The following PCDHGB6 variants were observed in gnomAD, a reference collection of about 807,000 sequenced individuals.
The protein encoded by PCDHGB6 is protocadherin gamma subfamily B, 6, also known as protocadherin gamma-B6.
In PCDHGB6, 51 loss-of-function variants were observed where a neutral mutation model predicts 59.1. The observed-to-expected ratio is 0.86, with a 90% CI of 0.69 to 1.09. The LOEUF (loss-of-function observed/expected upper bound fraction) is 1.09, where lower values mean the gene tolerates loss of function less well. Among genes scored for constraint, PCDHGB6 ranks in the 50% least tolerant of loss-of-function variants. The probability of loss-of-function intolerance (pLI) is 0.00; values close to 1 mark genes in which losing one functional copy is unlikely to be tolerated. For missense variants in PCDHGB6, 1,148 were observed against 1,205.1 expected (o/e 0.95, Z 0.70); for synonymous variants, 466 against 495.1 (o/e 0.94, Z 0.78).
rs2097542578 is a variant in PCDHGB6 at position 141,432,849 on chromosome 5, T to C, written c.2418+22229T>C. On this transcript the variant is annotated intron_variant, in intron 1 of 3. Coordinates refer to ENST00000520790, the MANE Select transcript of PCDHGB6 (RefSeq NM_018926.3). The surrounding 1 kb of genome is among the most constrained non-coding windows in gnomAD (Gnocchi z 6.0). ...CTCACTCTGTACCTGGTGGTAGCGG[T>C]GGCCGCGGTCTCCTGCGTCTTCCTG... 2 of 1,614,076 alleles carry C rather than the reference T, an allele frequency of 1.2e-6. No individual in the cohort carries two copies. Among genetic ancestry groups the C allele is most frequent in the South Asian group, 1.1e-5 (1 of 91,096 alleles).
chr5:141,408,326 G>A lies in PCDHGB6; in HGVS notation c.124G>A (p.Ala42Thr). The change falls in exon 1 of 4, where the codon GCC becomes ACC. Residue 42 changes from alanine (A) to threonine (T), a missense_variant. Physicochemically the swap from Ala to Thr is moderately conservative, Grantham distance 58. Transcript: ENST00000520790. ...CCGCTACTCGATTCCGGAGGAGCTG[G>A]CCAAGGGCTCGGTGGTGGGGAACCT... ...PIRYSIPEEL[A>T]KGSVVGNLAK... The A allele has an allele frequency of 3.7e-6, 6 of 1,613,904 alleles. No individual in the cohort carries two copies. Among genetic ancestry groups the A allele is most frequent in the Non-Finnish European group, 4.2e-6 (5 of 1,179,776 alleles).
chr5:141,414,330 G>A (rs1472752550), intron 1 of PCDHGB6: 2 of 1,613,714 alleles, frequency 1.2e-6, no homozygotes, highest in Non-Finnish European at 1.7e-6. Flanking sequence ...AGAATGGACA[G>A]GTAACCTGTT....
chr5:141,453,680 A>G (rs1466590010), intron 1 of PCDHGB6, among the ~76,000 whole-genome samples: 1 of 152,220 alleles, frequency 6.6e-6, no homozygotes, highest in Non-Finnish European at 1.5e-5. Context: ...GTAACACACT[A>G]TGTAGGTAGT....
chr5:141,489,191 T>C lies in PCDHGB6; in HGVS notation c.2419-5616T>C. On this transcript the variant is annotated intron_variant, in intron 1 of 3. Coordinates refer to ENST00000520790, the MANE Select transcript of PCDHGB6 (RefSeq NM_018926.3). The surrounding 1 kb of genome is among the most constrained non-coding windows in gnomAD (Gnocchi z 4.5). ...CTGCATTCCAAGCCCTGGGTCTACC[T>C]TGGAGACAGGACAGCACAGACTTAC... The C allele has an allele frequency of 7.3e-7, 1 of 1,364,400 alleles. No homozygotes were observed. Among genetic ancestry groups the C allele is most frequent in the Middle Eastern group, 1.9e-4 (1 of 5,334 alleles). The allele number at this position is 1,364,400 out of a possible 1,614,324, so 84.5% of individuals were successfully genotyped here. A position where few individuals can be genotyped will look rare whatever the true frequency, so the allele number is the denominator to read the frequency against.
chr5:141,422,470 T>C, intron 1 of PCDHGB6: 1 of 1,613,440 alleles, frequency 6.2e-7, no homozygotes, highest in Non-Finnish European at 8.5e-7. Flanking sequence ...GGACAGGGAG[T>C]TGGTCCAGAG....
chr5:141,419,269 C>G (rs1456612499), intron 1 of PCDHGB6: 1 of 1,614,034 alleles, frequency 6.2e-7, no homozygotes, highest in Admixed American at 1.7e-5. Flanking sequence ...CGGGTGCCTC[C>G]ATAGCGCAAG....
intron 1 of PCDHGB6, chr5:141,418,103 G>A: frequency 1.2e-6 from 2 of 1,614,076 alleles, no homozygotes; most frequent in African/African-American, 1.3e-5. Flanking sequence ...CGCGCAGAGC[G>A]GGGACTTACT....
intron 1 of PCDHGB6, among the ~76,000 whole-genome samples, chr5:141,460,724 A>G (rs1294708205): frequency 6.6e-6 from 1 of 152,114 alleles, no homozygotes; most frequent in Non-Finnish European, 1.5e-5. Flanking sequence ...TGTTATAAGC[A>G]TATATACACA....
chr5:141,445,828 G>A (rs1188169953), intron 1 of PCDHGB6, among the ~76,000 whole-genome samples: 2 of 152,188 alleles, frequency 1.3e-5, no homozygotes, highest in African/African-American at 2.4e-5. Context: ...AAGGCAGGGA[G>A]AGCCTTGTAA....
At chr5:141,508,499 C>T (rs1425054102) in intron 3 of PCDHGB6, among the ~76,000 whole-genome samples, 7 of 152,212 alleles carry the variant, frequency 4.6e-5, no homozygotes, top group Non-Finnish European at 1.0e-4. Flanking sequence ...CATATCTTCT[C>T]TCCCTCCTGG....
chr5:141,451,358 T>C (rs537863729), intron 1 of PCDHGB6, among the ~76,000 whole-genome samples: 1 of 152,326 alleles, frequency 6.6e-6, no homozygotes, highest in African/African-American at 2.4e-5. Flanking sequence ...CAACAGAGGA[T>C]GGATCCGCTT....
At position 141,413,510 on chromosome 5, in the gene PCDHGB6, T is replaced by G. The variant is rs372002880; in HGVS notation, c.2418+2890T>G. On this transcript the variant is annotated intron_variant, in intron 1 of 3. Transcript: ENST00000520790. ...GCGCGGTGCGTGGTGAGTTTTAATA[T>G]CCTTGTGGAAGACAGGGTGAAACTT... The G allele has an allele frequency of 5.4e-5, 87 of 1,613,876 alleles. No individual in the cohort carries two copies. Among genetic ancestry groups the G allele is most frequent in the Middle Eastern group, 1.6e-4 (1 of 6,084 alleles).
intron 1 of PCDHGB6, among the ~76,000 whole-genome samples, chr5:141,465,017 C>T (rs1278815002): frequency 6.6e-6 from 1 of 152,132 alleles, no homozygotes; most frequent in Non-Finnish European, 1.5e-5. Context: ...GCTAAGATTA[C>T]AGCCATGAAC....
At chr5:141,429,489 A>G (rs2097218567) in intron 1 of PCDHGB6, among the ~76,000 whole-genome samples, 1 of 152,062 alleles carries the variant, frequency 6.6e-6, no homozygotes, top group South Asian at 2.1e-4. Context: ...AGCTGAGACT[A>G]CAGTTGCCTG....
chr5:141,413,283 C>A lies in PCDHGB6; in HGVS notation c.2418+2663C>A, dbSNP rs377443382. On this transcript the variant is annotated intron_variant, in intron 1 of 3. Coordinates refer to ENST00000520790, the MANE Select transcript of PCDHGB6 (RefSeq NM_018926.3). ...GGGAGGCTGGAGCCCGGCAGATCTC[C>A]TACTCAATTCCTGAGGAATTAGAGA... The A allele has an allele frequency of 3.6e-5, 58 of 1,613,848 alleles. No individual in the cohort carries two copies. The African/African-American group carries it at 7.6e-4, about 21-fold the overall frequency.
intron 1 of PCDHGB6, among the ~76,000 whole-genome samples, chr5:141,480,916 A>C (rs991166066): frequency 6.6e-6 from 1 of 152,106 alleles, no homozygotes; most frequent in East Asian, 1.9e-4. Flanking sequence ...ATGGTGGCGC[A>C]TACCTGTAGT....
Position 141,490,644 on chromosome 5 carries a change from T to G in PCDHGB6, c.2419-4163T>G, listed in dbSNP as rs772742713. 1 of 1,614,188 alleles carries G rather than the reference T, an allele frequency of 6.2e-7. No individual in the cohort carries two copies. Among genetic ancestry groups the G allele is most frequent in the Non-Finnish European group, 8.5e-7 (1 of 1,180,016 alleles). The stretch of plus-strand genomic sequence containing the variant: ...CTGCTTACATCCTAGAAAACCGGCC[T>G]CCGGGCTCCCTTCTTTGCACTGTGG... On this transcript the variant is annotated intron_variant, in intron 1 of 3. Transcript: ENST00000520790. The surrounding 1 kb of genome is among the most constrained non-coding windows in gnomAD (Gnocchi z 5.4).
intron 1 of PCDHGB6, chr5:141,413,404 C>T: frequency 6.2e-7 from 1 of 1,614,046 alleles, no homozygotes; most frequent in Non-Finnish European, 8.5e-7. Context: ...AGGTAGGACG[C>T]AGCTTTTCTC....
At chr5:141,460,842 C>T (rs1339558359) in intron 1 of PCDHGB6, among the ~76,000 whole-genome samples, 2 of 150,412 alleles carry the variant, frequency 1.3e-5, no homozygotes, top group African/African-American at 2.4e-5. Flanking sequence ...GTAATGGCCT[C>T]CAGTTCGATC....
Sources: gnomAD v4.1 joint callset for allele counts (sites outside exome capture counted in the v4.1 genomes callset) on GRCh38, gnomAD v4.1.1 for gene constraint, Gnocchi (gnomAD v3.1) non-coding constraint, MANE v1.5 for transcripts, NCBI Gene and HGNC (gene_info 2026-07-23, HGNC 2026-07-21) for gene names.